Variants in PKNOX1 observed in about 807,000 individuals in gnomAD.
PKNOX1 encodes homeobox protein PKNOX1.
In PKNOX1, 15 loss-of-function variants were observed where a neutral mutation model predicts 51.9. The ratio of observed to expected loss-of-function variants is 0.29; its 90% CI spans 0.19 to 0.45. The LOEUF is 0.45. PKNOX1 is among the 20% of genes least tolerant of loss of function. The pLI, the probability that PKNOX1 is intolerant of heterozygous loss-of-function variation, is 1.00. For missense variants in PKNOX1, 462 were observed against 547.5 expected, an observed-to-expected ratio of 0.84 and a Z score of 1.56; for synonymous variants, 219 against 211.1, an observed-to-expected ratio of 1.04 and a Z score of -0.32.
rs58323216 is a variant in PKNOX1 at position 42,979,678 on chromosome 21, C to T, written c.-57+5014C>T. Among the ~76,000 whole-genome samples the T allele has an allele frequency of 2.0e-5, 3 of 151,996 alleles. No homozygotes were observed. In the South Asian group the frequency reaches 6.2e-4, roughly 32 times the overall value. On this transcript the variant is annotated intron_variant, in intron 1 of 10. Coordinates refer to ENST00000291547, the MANE Select transcript of PKNOX1 (RefSeq NM_004571.5). ...AATGGCGTGAACCCAGGGGGCGGAG[C>T]TTGCAGTGAGCCGAGATCGCGCCAC...
intron 1 of PKNOX1, among the ~76,000 whole-genome samples, chr21:42,996,995 C>T (rs1289541094): frequency 6.6e-6 from 1 of 151,894 alleles, no homozygotes; most frequent in Non-Finnish European, 1.5e-5. Context: ...ATTTTCTTGC[C>T]TCAGCCTCCC....
At chr21:42,987,423 A>G (rs1197401899) in intron 1 of PKNOX1, among the ~76,000 whole-genome samples, 1 of 135,240 alleles carries the variant, frequency 7.4e-6, no homozygotes, top group Non-Finnish European at 1.6e-5. Flanking sequence ...ATATATATAT[A>G]TATATGTATA....
At chr21:43,019,349 C>T (rs1479231523) in intron 7 of PKNOX1, among the ~76,000 whole-genome samples, 1 of 150,632 alleles carries the variant, frequency 6.6e-6, no homozygotes, top group African/African-American at 2.4e-5. Context: ...CGAGATCGTG[C>T]CACAGCACTC....
At chr21:43,003,106 C>T (rs933522309) in intron 1 of PKNOX1, among the ~76,000 whole-genome samples, 3 of 152,228 alleles carry the variant, frequency 2.0e-5, no homozygotes, top group Non-Finnish European at 4.4e-5. Flanking sequence ...TTAACACTGT[C>T]TCCTAAAGTG....
At chr21:43,015,082 C>T (rs899248456) in intron 5 of PKNOX1, among the ~76,000 whole-genome samples, 3 of 152,240 alleles carry the variant, frequency 2.0e-5, no homozygotes, top group Non-Finnish European at 2.9e-5. Context: ...TGTGTACATG[C>T]GTTTTTAGAA....
In PKNOX1 at chr21:43,019,468, T is replaced by C. The variant is rs149560788; in HGVS notation, c.720+1238T>C. Among the ~76,000 whole-genome samples the C allele has an allele frequency of 4.8e-3, 728 of 152,220 alleles. 4 individuals carry two copies. The highest frequency in any genetic ancestry group is 0.013 in the South Asian group (65 of 4,822). ...AAACCTAAAAATGAGTTTATTTTAA[T>C]CTCATATTTGATATGCAGTCTGTTT... On this transcript the variant is annotated intron_variant, in intron 7 of 10. Transcript: ENST00000291547.
In PKNOX1 at chr21:43,033,802, A is replaced by T. The variant is rs1009264093; in HGVS notation, c.*3701A>T. The T allele has an allele frequency of 6.6e-6, 1 of 152,346 alleles. No homozygotes were observed. The highest frequency in any genetic ancestry group is 6.5e-5 in the Admixed American group (1 of 15,304). 9.4% of individuals were successfully genotyped at this position (152,346 alleles called of 1,614,324 possible). On this transcript the variant is annotated 3_prime_UTR_variant, in exon 11 of 11. Coordinates refer to ENST00000291547, the MANE Select transcript of PKNOX1 (RefSeq NM_004571.5). ...TACTTTGTTCATTCATTGGCTGTTC[A>T]GGCAGAAAATGGAAACAGGTAGCTT... is the stretch of plus-strand genomic sequence containing the variant.
At chr21:43,024,730 C>T (rs749801728) in intron 8 of PKNOX1, 141 bp from the exon 9 acceptor site, 84 of 620,640 alleles carry the variant, frequency 1.4e-4, no homozygotes, top group Non-Finnish European at 2.0e-4. Context: ...GTTCGTGAGA[C>T]TACAGTTAGG....
At chr21:43,020,831 T>C (rs1279019846) in intron 7 of PKNOX1, among the ~76,000 whole-genome samples, 2 of 152,240 alleles carry the variant, frequency 1.3e-5, no homozygotes, top group African/African-American at 4.8e-5. Context: ...CATTCCTGCC[T>C]GCAGAGGATG....
intron 1 of PKNOX1, among the ~76,000 whole-genome samples, chr21:42,990,260 A>C (rs903139079): frequency 5.3e-5 from 8 of 152,084 alleles, no homozygotes; most frequent in South Asian, 2.1e-4. Context: ...CTCCGTCATA[A>C]ATGAATAAAT....
intron 1 of PKNOX1, among the ~76,000 whole-genome samples, chr21:42,993,996 T>C (rs920289615): frequency 1.2e-3 from 178 of 148,288 alleles, no homozygotes; most frequent in African/African-American, 4.4e-3. Flanking sequence ...CCTCTCAAAG[T>C]GTTGGGATTA....
chr21:42,991,831 T>G (rs190982633), intron 1 of PKNOX1, among the ~76,000 whole-genome samples: 79 of 152,342 alleles, frequency 5.2e-4, no homozygotes, highest in African/African-American at 1.8e-3. Flanking sequence ...CTGGGCAGTT[T>G]TTAGTATGTG....
intron 10 of PKNOX1, 95 bp downstream of exon 10, chr21:43,028,969 G>T (rs1159241426): frequency 1.5e-6 from 2 of 1,306,520 alleles, no homozygotes; most frequent in African/African-American, 2.9e-5. Flanking sequence ...TGAGCCTCAG[G>T]TAATGTGGTG....
In PKNOX1 at chr21:42,998,069, T is replaced by C. The variant is rs1978588727; in HGVS notation, c.-56-6257T>C. On this transcript the variant is annotated intron_variant, in intron 1 of 10. Coordinates refer to ENST00000291547, the MANE Select transcript of PKNOX1 (RefSeq NM_004571.5). The stretch of plus-strand genomic sequence containing the variant: ...TCCATTTTCACACTGCTGATAAAGT[T>C]GTACCCAAGACTGGGCAATTTACAA... Among the ~76,000 whole-genome samples the C allele has an allele frequency of 3.9e-5, 6 of 152,134 alleles. No individual in the cohort carries two copies. The South Asian group carries it at 1.2e-3, about 32-fold the overall frequency.
chr21:43,025,854 C>T (rs1478768915), intron 9 of PKNOX1, among the ~76,000 whole-genome samples: 4 of 152,118 alleles, frequency 2.6e-5, no homozygotes, highest in South Asian at 2.1e-4. Context: ...GTCGTGTGTG[C>T]GGGAGGTATG....
chr21:43,029,633 G>T (rs1020539597), intron 10 of PKNOX1, among the ~76,000 whole-genome samples: 2 of 151,054 alleles, frequency 1.3e-5, no homozygotes, highest in East Asian at 3.9e-4. Flanking sequence ...GGGTTTCACC[G>T]TGTTCACCAG....
At chr21:43,002,663 C>T (rs1978815297) in intron 1 of PKNOX1, among the ~76,000 whole-genome samples, 1 of 152,172 alleles carries the variant, frequency 6.6e-6, no homozygotes, top group South Asian at 2.1e-4. Flanking sequence ...AAGAGGCGAC[C>T]TGGCTGCTGC....
chr21:42,997,303 C>T (rs1978549231), intron 1 of PKNOX1, among the ~76,000 whole-genome samples: 2 of 152,204 alleles, frequency 1.3e-5, no homozygotes, highest in African/African-American at 4.8e-5. Flanking sequence ...GCAGACGCTG[C>T]CTGTGTGGGG....
At chr21:43,016,776 T>C in intron 5 of PKNOX1, 132 bp from the exon 6 acceptor site, 1 of 580,722 alleles carries the variant, frequency 1.7e-6, no homozygotes, top group Non-Finnish European at 3.0e-6. Context: ...AGCCGCGTCA[T>C]CTGAGGATGT....
Sources: allele counts gnomAD v4.1 joint callset (sites outside exome capture counted in the v4.1 genomes callset), GRCh38; gene constraint gnomAD v4.1.1; transcripts MANE v1.5; gene names NCBI Gene and HGNC (gene_info 2026-07-23, HGNC 2026-07-21).